Variants in DOCK3 observed in about 807,000 individuals in gnomAD.
The protein encoded by DOCK3 is dedicator of cytokinesis 3.
A neutral mutation model predicts 265.6 loss-of-function variants in DOCK3; 60 were observed. The observed-to-expected ratio is 0.23, with a 90% CI of 0.18 to 0.28. DOCK3 has a LOEUF of 0.28. Ranked by LOEUF, DOCK3 falls within the 10% of genes least tolerant of loss-of-function variation. DOCK3 has a pLI of 1.00. For missense variants in DOCK3, 1,981 were observed against 2,594.3 expected, an observed-to-expected ratio of 0.76 and a Z score of 5.14; for synonymous variants, 881 against 938.0, an observed-to-expected ratio of 0.94 and a Z score of 1.11.
chr3:51,082,098 C>T (rs967316227), intron 7 of DOCK3, among the ~76,000 whole-genome samples: 5 of 151,904 alleles, frequency 3.3e-5, no homozygotes. Context: ...GCAAAGCAGC[C>T]AGCCCACCCA....
rs77132724 is a variant in DOCK3 at position 51,187,992 on chromosome 3, G to A, written c.1038-20782G>A. Among the ~76,000 whole-genome samples, 998 of 152,220 alleles carry A rather than the reference G, an allele frequency of 6.6e-3. 4 individuals carry two copies. Among genetic ancestry groups the A allele is most frequent in the Non-Finnish European group, 0.011 (728 of 68,024 alleles). The stretch of plus-strand genomic sequence containing the variant: ...TGTGCCTTCATGTAATATGATTGTG[G>A]TAGATAACGTGGGCAGAGTGGGCAT... On this transcript the variant is annotated intron_variant, in intron 12 of 52. Transcript: ENST00000266037.
At chr3:51,244,987 G>T (rs2108550172) in intron 21 of DOCK3, among the ~76,000 whole-genome samples, 1 of 152,284 alleles carries the variant, frequency 6.6e-6, no homozygotes. Flanking sequence ...GTCCATAAAA[G>T]AGATTATATA....
chr3:51,160,844 AG>A (rs968831734), intron 12 of DOCK3, 142 bp downstream of exon 12: 4 of 1,013,628 alleles, frequency 3.9e-6, no homozygotes, highest in African/African-American at 3.3e-5. Context: ...TGGGAGGCCA[AG>A]GTGGGCAAAT....
intron 2 of DOCK3, among the ~76,000 whole-genome samples, chr3:50,816,796 C>T (rs1441463369): frequency 6.6e-6 from 1 of 151,770 alleles, no homozygotes; most frequent in Non-Finnish European, 1.5e-5. Flanking sequence ...ATTTTCATTT[C>T]TTTTCTTTCT....
At chr3:50,769,038 C>G (rs986679189) in intron 1 of DOCK3, among the ~76,000 whole-genome samples, 2 of 150,860 alleles carry the variant, frequency 1.3e-5, no homozygotes, top group East Asian at 3.9e-4. Flanking sequence ...CTGTTCATCA[C>G]ATTTATGTCT....
chr3:50,809,946 C>G (rs904449709), intron 2 of DOCK3, among the ~76,000 whole-genome samples: 2 of 151,878 alleles, frequency 1.3e-5, no homozygotes, highest in African/African-American at 4.8e-5. Flanking sequence ...TTGAGAACAA[C>G]CTGGGTAACA....
At chr3:50,922,487 G>A (rs887755596) in intron 4 of DOCK3, among the ~76,000 whole-genome samples, 2 of 152,320 alleles carry the variant, frequency 1.3e-5, no homozygotes, top group East Asian at 1.9e-4. Flanking sequence ...GGAATTCCCC[G>A]ACCCCTTGCG....
chr3:51,013,353 T>C (rs921036071), intron 5 of DOCK3, among the ~76,000 whole-genome samples: 8 of 152,170 alleles, frequency 5.3e-5, no homozygotes, highest in African/African-American at 1.9e-4. Context: ...TCCTTTTTGT[T>C]GATGTTGGTG....
At chr3:50,719,556 C>T (rs2037348364) in intron 1 of DOCK3, 4 of 1,319,750 alleles carry the variant, frequency 3.0e-6, no homozygotes, top group Non-Finnish European at 4.3e-6. Flanking sequence ...CACTCCATGG[C>T]CTGCATAATA....
intron 1 of DOCK3, among the ~76,000 whole-genome samples, chr3:50,728,096 A>C (rs571617346): frequency 3.3e-5 from 5 of 152,350 alleles, no homozygotes; most frequent in Non-Finnish European, 7.3e-5. Flanking sequence ...GAAATCATAC[A>C]GCATGTGTTC....
chr3:51,273,550 T>G (rs940471239), intron 24 of DOCK3, among the ~76,000 whole-genome samples: 1 of 152,226 alleles, frequency 6.6e-6, no homozygotes, highest in African/African-American at 2.4e-5. Flanking sequence ...TTACAAAAAC[T>G]AAGTATGTTG....
At chr3:50,717,495 T>C (rs1439516626) in intron 1 of DOCK3, among the ~76,000 whole-genome samples, 1 of 152,254 alleles carries the variant, frequency 6.6e-6, no homozygotes, top group African/African-American at 2.4e-5. Flanking sequence ...ATATATACCT[T>C]ACTCTTATTG....
chr3:51,000,952 C>T (rs1032906406), intron 5 of DOCK3, among the ~76,000 whole-genome samples: 6 of 152,252 alleles, frequency 3.9e-5, no homozygotes, highest in African/African-American at 9.6e-5. Flanking sequence ...CACACCCAGC[C>T]TGTTCTGCCA....
intron 2 of DOCK3, among the ~76,000 whole-genome samples, chr3:50,815,424 A>G (rs1249772335): frequency 6.6e-6 from 1 of 152,220 alleles, no homozygotes; most frequent in Non-Finnish European, 1.5e-5. Context: ...TGAAACTATT[A>G]GACCATACAA....
intron 9 of DOCK3, among the ~76,000 whole-genome samples, chr3:51,146,088 C>G (rs2085287310): frequency 6.6e-6 from 1 of 152,160 alleles, no homozygotes; most frequent in Non-Finnish European, 1.5e-5. Flanking sequence ...GTCTGCAGCC[C>G]AGGGTTGGGG....
intron 21 of DOCK3, among the ~76,000 whole-genome samples, chr3:51,240,483 C>G (rs1576502729): frequency 6.6e-6 from 1 of 152,128 alleles, no homozygotes; most frequent in Non-Finnish European, 1.5e-5. Context: ...GTCCTGATAT[C>G]TTTGTTAATT....
At chr3:51,016,653 T>TTA (rs2079287577) in intron 5 of DOCK3, among the ~76,000 whole-genome samples, 1 of 83,820 alleles carries the variant, frequency 1.2e-5, no homozygotes, top group African/African-American at 6.4e-5. Context: ...ATTTATATGT[T>TTA]TATATATATT....
chr3:50,877,649 C>G lies in DOCK3; in HGVS notation c.163-12377C>G, dbSNP rs977114826. On this transcript the variant is annotated intron_variant, in intron 3 of 52. Coordinates refer to ENST00000266037, the MANE Select transcript of DOCK3 (RefSeq NM_004947.5). ...TTATCTAGGGCTTCAATGGCAGCCA[C>G]TTTTTCTTTTCTTTTCTTTTCTTTT... is the stretch of plus-strand genomic sequence containing the variant. 16 of 383,598 alleles carry G rather than the reference C, an allele frequency of 4.2e-5. No homozygotes were observed. In the Admixed American group the frequency reaches 6.0e-4, roughly 14 times the overall value. 23.8% of individuals were successfully genotyped at this position (383,598 alleles called of 1,614,324 possible).
At chr3:50,977,936 C>T (rs1234174462) in intron 5 of DOCK3, among the ~76,000 whole-genome samples, 5 of 152,088 alleles carry the variant, frequency 3.3e-5, no homozygotes, top group African/African-American at 7.2e-5. Context: ...TTGATCGCAT[C>T]GGCTCCTGAG....
Sources: gnomAD v4.1 joint callset for allele counts (sites outside exome capture counted in the v4.1 genomes callset) on GRCh38, gnomAD v4.1.1 for gene constraint, MANE v1.5 for transcripts, NCBI Gene and HGNC (gene_info 2026-07-23, HGNC 2026-07-21) for gene names.